Variants in LTBP1 observed in about 807,000 individuals in gnomAD.
LTBP1 encodes the protein latent transforming growth factor beta binding protein 1.
A neutral mutation model predicts 207.6 loss-of-function variants in LTBP1; 129 were observed. That is an observed-to-expected ratio of 0.62 (90% confidence interval 0.54 to 0.72). The LOEUF (loss-of-function observed/expected upper bound fraction) is 0.72. Among genes scored for constraint, LTBP1 ranks in the 30% least tolerant of loss-of-function variants. LTBP1 has a pLI of 0.00. For missense variants in LTBP1, 2,281 were observed against 2,217.2 expected (o/e 1.03, Z -0.58); for synonymous variants, 963 against 833.7 (o/e 1.16, Z -2.67).
At chr2:33,306,123 A>G (rs930403515) in intron 22 of LTBP1, among the ~76,000 whole-genome samples, 1 of 151,822 alleles carries the variant, frequency 6.6e-6, no homozygotes, top group Non-Finnish European at 1.5e-5. Context: ...AAGGCCTTGC[A>G]AAAAAAAATT....
intron 31 of LTBP1, among the ~76,000 whole-genome samples, chr2:33,374,975 C>T (rs922338801): frequency 4.6e-5 from 7 of 152,010 alleles, no homozygotes; most frequent in African/African-American, 1.4e-4. Flanking sequence ...GAAAGGACTC[C>T]TGTATTTATT....
chr2:33,059,299 A>T (rs2077154934), intron 3 of LTBP1, among the ~76,000 whole-genome samples: 1 of 152,236 alleles, frequency 6.6e-6, no homozygotes, highest in East Asian at 1.9e-4. Flanking sequence ...GTTTTAATGT[A>T]CTTGGGTAGT....
chr2:33,349,870 C>T (rs2094756817), intron 26 of LTBP1, among the ~76,000 whole-genome samples: 1 of 152,182 alleles, frequency 6.6e-6, no homozygotes, highest in Non-Finnish European at 1.5e-5. Context: ...CTAGGTGAGT[C>T]TTGGTTTGTG....
intron 2 of LTBP1, among the ~76,000 whole-genome samples, chr2:32,969,060 G>C (rs1368696171): frequency 1.3e-5 from 2 of 151,896 alleles, no homozygotes; most frequent in Non-Finnish European, 2.9e-5. Flanking sequence ...CAAGTAGCTG[G>C]GATTACAGGT....
intron 9 of LTBP1, among the ~76,000 whole-genome samples, chr2:33,222,971 G>A (rs888748023): frequency 3.3e-5 from 5 of 152,178 alleles, no homozygotes; most frequent in Non-Finnish European, 7.3e-5. Flanking sequence ...TTGAAACTGA[G>A]AAAGCAGAGA....
intron 7 of LTBP1, among the ~76,000 whole-genome samples, chr2:33,211,849 T>C (rs1360036448): frequency 6.6e-6 from 1 of 152,200 alleles, no homozygotes; most frequent in Non-Finnish European, 1.5e-5. Flanking sequence ...ACCAGATAAG[T>C]TTTGAACTAT....
intron 15 of LTBP1, among the ~76,000 whole-genome samples, chr2:33,268,039 A>C (rs899949899): frequency 6.6e-6 from 1 of 152,222 alleles, no homozygotes; most frequent in East Asian, 1.9e-4. Context: ...AGTTGTAGGT[A>C]CTTCCACTTT....
At chr2:33,084,753 G>C (rs1572559466) in intron 3 of LTBP1, among the ~76,000 whole-genome samples, 1 of 152,140 alleles carries the variant, frequency 6.6e-6, no homozygotes, top group Non-Finnish European at 1.5e-5. Flanking sequence ...TGTACCACCT[G>C]ACACCCTTGA....
At chr2:33,248,334 G>A (rs142209116) in intron 10 of LTBP1, among the ~76,000 whole-genome samples, 84 of 152,242 alleles carry the variant, frequency 5.5e-4, no homozygotes, top group African/African-American at 1.8e-3. Context: ...AGGAATTAAG[G>A]CATAGAGGGG....
intron 3 of LTBP1, among the ~76,000 whole-genome samples, chr2:33,029,376 C>G (rs2075583011): frequency 6.6e-6 from 1 of 152,092 alleles, no homozygotes. Context: ...ACTCAGGAGG[C>G]AGAGGCAGGG....
chr2:33,105,004 CA>C (rs1451193647), intron 3 of LTBP1, among the ~76,000 whole-genome samples: 1 of 152,186 alleles, frequency 6.6e-6, no homozygotes, highest in African/African-American at 2.4e-5. Context: ...ATTTGATCCT[CA>C]AGTCCTGTTA....
intron 7 of LTBP1, among the ~76,000 whole-genome samples, chr2:33,203,241 G>A (rs1009723753): frequency 1.1e-4 from 17 of 152,124 alleles, no homozygotes; most frequent in African/African-American, 3.6e-4. Flanking sequence ...ATTGACTTTC[G>A]CGCAGGGGCC....
At chr2:33,306,734 A>T (rs1244499774) in intron 22 of LTBP1, among the ~76,000 whole-genome samples, 1 of 152,152 alleles carries the variant, frequency 6.6e-6, no homozygotes, top group African/African-American at 2.4e-5. Flanking sequence ...CTGATCAAAT[A>T]TGCTTCTCCT....
intron 3 of LTBP1, among the ~76,000 whole-genome samples, chr2:33,067,774 G>A (rs2077593711): frequency 6.6e-6 from 1 of 152,166 alleles, no homozygotes; most frequent in Non-Finnish European, 1.5e-5. Context: ...TTTGGAATCT[G>A]AGGGAGGTCC....
chr2:33,150,821 C>T (rs554685043), intron 5 of LTBP1, among the ~76,000 whole-genome samples: 23 of 149,368 alleles, frequency 1.5e-4, no homozygotes, highest in African/African-American at 5.2e-4. Flanking sequence ...CTGCAACCTC[C>T]ACCTCCCAGG....
rs138059142 is a variant in LTBP1 at position 32,956,965 on chromosome 2, G to A, written c.565+8020G>A. Among the ~76,000 whole-genome samples the A allele has an allele frequency of 9.2e-3, 1,396 of 152,276 alleles. 9 individuals carry two copies. The highest frequency in any genetic ancestry group is 0.014 in the Non-Finnish European group (977 of 68,014). Reference sequence around the variant, plus strand: ...TCAGTGAGGAGTAATATTTTGAAAAGAACCTTTCTGAGCAATAGGTCTCAA... The same window carrying A: ...TCAGTGAGGAGTAATATTTTGAAAAAAACCTTTCTGAGCAATAGGTCTCAA... On this transcript the variant is annotated intron_variant, in intron 2 of 33. Transcript: ENST00000404816.
intron 5 of LTBP1, among the ~76,000 whole-genome samples, chr2:33,138,848 CTTTTTTTTTTTT>C (rs71409603): frequency 0.01 from 783 of 77,708 alleles, 13 homozygotes; most frequent in African/African-American, 0.04. Context: ...AGTATGTTCT[CTTTTTTTTTTTT>C]TTTTTTTTTT....
At chr2:33,392,272 CTTCCTG>C in intron 32 of LTBP1, among the ~76,000 whole-genome samples, 1 of 151,944 alleles carries the variant, frequency 6.6e-6, no homozygotes, top group East Asian at 1.9e-4. Context: ...GCAACCTCCA[CTTCCTG>C]GGTTCAAGTG....
chr2:33,018,109 G>T (rs1254263692), intron 2 of LTBP1, among the ~76,000 whole-genome samples: 4 of 151,246 alleles, frequency 2.6e-5, no homozygotes, highest in Non-Finnish European at 4.4e-5. Flanking sequence ...TATATAACAC[G>T]TTCTTTACTT....
Sources: allele counts gnomAD v4.1 joint callset (sites outside exome capture counted in the v4.1 genomes callset), GRCh38; gene constraint gnomAD v4.1.1; transcripts MANE v1.5; gene names NCBI Gene and HGNC (gene_info 2026-07-23, HGNC 2026-07-21).